GRID2: variants seen among roughly 807,000 people sequenced by gnomAD.
GRID2 encodes glutamate ionotropic receptor delta type subunit 2, also known as glutamate receptor ionotropic, delta-2.
In GRID2, 33 loss-of-function variants were observed where a neutral mutation model predicts 114.8. The ratio of observed to expected loss-of-function variants is 0.29; its 90% CI spans 0.22 to 0.38. The LOEUF (loss-of-function observed/expected upper bound fraction) is 0.38, where lower values mean the gene tolerates loss of function less well. Among genes scored for constraint, GRID2 ranks in the 10% least tolerant of loss-of-function variants. The pLI, the probability that GRID2 is intolerant of heterozygous loss-of-function variation, is 1.00. For synonymous variants in GRID2, 505 were observed against 449.9 expected (o/e 1.12, Z -1.55); for missense variants, 1,184 against 1,257.7 (o/e 0.94, Z 0.89).
intron 14 of GRID2, among the ~76,000 whole-genome samples, chr4:93,676,175 T>C (rs1394794616): frequency 3.3e-5 from 5 of 152,212 alleles, no homozygotes; most frequent in East Asian, 1.9e-4. Context: ...GGCATGAAAA[T>C]AGTTCTTGAA....
At chr4:93,133,394 A>C (rs1460583919) in intron 4 of GRID2, among the ~76,000 whole-genome samples, 1 of 152,222 alleles carries the variant, frequency 6.6e-6, no homozygotes, top group South Asian at 2.1e-4. Flanking sequence ...AAGAAACTGC[A>C]TAGTTTTGTG....
At chr4:93,384,605 C>T (rs539328667) in intron 8 of GRID2, among the ~76,000 whole-genome samples, 4 of 152,174 alleles carry the variant, frequency 2.6e-5, no homozygotes, top group South Asian at 2.1e-4. Flanking sequence ...CCTTGTACCC[C>T]GTAAAACCAG....
At chr4:93,463,755 C>G (rs1206128358) in intron 11 of GRID2, among the ~76,000 whole-genome samples, 1 of 151,694 alleles carries the variant, frequency 6.6e-6, no homozygotes, top group Non-Finnish European at 1.5e-5. Flanking sequence ...TTTGGGAGGC[C>G]AAGGTGGGTG....
At chr4:92,583,997 A>G (rs988670065) in intron 1 of GRID2, among the ~76,000 whole-genome samples, 3 of 151,424 alleles carry the variant, frequency 2.0e-5, no homozygotes, top group Non-Finnish European at 1.5e-5. Context: ...AGCTGATACT[A>G]TGCTAAGTGA....
At chr4:92,703,854 T>C (rs916349066) in intron 2 of GRID2, among the ~76,000 whole-genome samples, 2 of 152,132 alleles carry the variant, frequency 1.3e-5, no homozygotes, top group African/African-American at 4.8e-5. Flanking sequence ...TACTTTTGTA[T>C]ATATCTATTG....
intron 1 of GRID2, among the ~76,000 whole-genome samples, chr4:92,376,818 C>A (rs976700120): frequency 3.3e-5 from 5 of 152,166 alleles, no homozygotes; most frequent in Non-Finnish European, 5.9e-5. Flanking sequence ...GAAGCCATGA[C>A]CTGAGGTCTG....
chr4:93,287,659 T>C (rs1753326361), intron 8 of GRID2, among the ~76,000 whole-genome samples: 1 of 152,192 alleles, frequency 6.6e-6, no homozygotes, highest in Non-Finnish European at 1.5e-5. Flanking sequence ...CATTTTAAAA[T>C]ATTTTCCTAA....
At chr4:93,727,611 G>C (rs536347779) in intron 14 of GRID2, among the ~76,000 whole-genome samples, 2 of 152,220 alleles carry the variant, frequency 1.3e-5, no homozygotes, top group East Asian at 3.9e-4. Context: ...GAATCCATCT[G>C]GTCCTGGACT....
rs192025740 is a variant in GRID2, at chr4:92,939,274, A to G, written c.245-145721A>G. Among the ~76,000 whole-genome samples the G allele has an allele frequency of 3.5e-4, 51 of 147,076 alleles. 2 individuals are homozygous for G. The highest frequency in any genetic ancestry group is 7.7e-4 in the African/African-American group (32 of 41,304). Reference sequence around the variant, plus strand: ...TTGCCATTCTAACTGGTGGGAGATGATATCTCATTGTGGTTTTGATTTGCA... The same window carrying G: ...TTGCCATTCTAACTGGTGGGAGATGGTATCTCATTGTGGTTTTGATTTGCA... On this transcript the variant is annotated intron_variant, in intron 2 of 15. Transcript: ENST00000282020.
intron 2 of GRID2, among the ~76,000 whole-genome samples, chr4:92,947,155 A>C (rs1047991055): frequency 2.6e-5 from 4 of 152,148 alleles, no homozygotes; most frequent in East Asian, 1.9e-4. Flanking sequence ...AATATCTCAC[A>C]GTCTTGGGTA....
Position 93,126,157 on chromosome 4 carries a change from A to G in GRID2, c.735+15204A>G, listed in dbSNP as rs375564132. On this transcript the variant is annotated intron_variant, in intron 4 of 15. Transcript: ENST00000282020. Reference sequence around the variant, plus strand: ...ATACCTAATAAATATTTGCATTTTAAATTTCACTCACTATTATTTAATTAG... The same window carrying G: ...ATACCTAATAAATATTTGCATTTTAGATTTCACTCACTATTATTTAATTAG... 1.3e-4 allele frequency among the ~76,000 whole-genome samples: 20 copies of G among 152,318 alleles called. No homozygotes were observed. In the East Asian group the frequency reaches 3.9e-3, roughly 29 times the overall value.
chr4:92,906,514 T>C (rs915485592), intron 2 of GRID2, among the ~76,000 whole-genome samples: 7 of 147,182 alleles, frequency 4.8e-5, no homozygotes, highest in African/African-American at 1.7e-4. Flanking sequence ...TCTAGGAAAC[T>C]TCATAGAGCT....
chr4:92,531,146 GA>G (rs1725336742), intron 1 of GRID2, among the ~76,000 whole-genome samples: 1 of 151,950 alleles, frequency 6.6e-6, no homozygotes, highest in African/African-American at 2.4e-5. Flanking sequence ...ACTGAGATTG[GA>G]AATATTTGCT....
intron 13 of GRID2, among the ~76,000 whole-genome samples, chr4:93,615,975 TTTC>T (rs1312407648): frequency 3.3e-5 from 5 of 152,208 alleles, no homozygotes; most frequent in Non-Finnish European, 7.3e-5. Flanking sequence ...GAGAAGGACA[TTTC>T]TTCTTGTCTC....
intron 8 of GRID2, among the ~76,000 whole-genome samples, chr4:93,355,386 TG>T (rs1220247448): frequency 6.6e-6 from 1 of 151,990 alleles, no homozygotes; most frequent in East Asian, 1.9e-4. Flanking sequence ...GAATGTTGAC[TG>T]GGGGCTCCAG....
chr4:92,314,040 T>C (rs1725840411), intron 1 of GRID2, among the ~76,000 whole-genome samples: 1 of 152,120 alleles, frequency 6.6e-6, no homozygotes, highest in African/African-American at 2.4e-5. Context: ...TTCTTTCAAC[T>C]TATATAATTC....
chr4:92,622,859 A>G (rs1730337889), intron 2 of GRID2, among the ~76,000 whole-genome samples: 1 of 151,774 alleles, frequency 6.6e-6, no homozygotes, highest in African/African-American at 2.4e-5. Context: ...GTAATATCCA[A>G]TAGGTGATAG....
intron 2 of GRID2, among the ~76,000 whole-genome samples, chr4:92,973,706 GTTAC>G (rs1753668092): frequency 6.6e-6 from 1 of 152,092 alleles, no homozygotes; most frequent in African/African-American, 2.4e-5. Context: ...GTGATAATTA[GTTAC>G]TTCTTTATAT....
intron 13 of GRID2, among the ~76,000 whole-genome samples, chr4:93,611,366 GT>G (rs1740885257): frequency 1.1e-5 from 1 of 92,470 alleles, no homozygotes; most frequent in Non-Finnish European, 2.1e-5. Context: ...GCTTTTGAAT[GT>G]GTTTGCTCTT....
Sources: allele counts gnomAD v4.1 joint callset (sites outside exome capture counted in the v4.1 genomes callset), GRCh38; gene constraint gnomAD v4.1.1; transcripts MANE v1.5; gene names NCBI Gene and HGNC (gene_info 2026-07-23, HGNC 2026-07-21).